Variants in SIPA1L3 observed in about 807,000 individuals in gnomAD.
The protein encoded by SIPA1L3 is signal induced proliferation associated 1 like 3, also known as signal-induced proliferation-associated 1-like protein 3.
A neutral mutation model predicts 150.1 loss-of-function variants in SIPA1L3; 59 were observed. The observed-to-expected ratio is 0.39, with a 90% CI of 0.32 to 0.49. SIPA1L3 has a LOEUF of 0.49. Ranked by LOEUF, SIPA1L3 falls within the 20% of genes least tolerant of loss-of-function variation. The pLI is 0.86. For missense variants in SIPA1L3, 2,211 were observed against 2,489.5 expected (o/e 0.89, Z 2.38); for synonymous variants, 1,070 against 1,077.6 (o/e 0.99, Z 0.14).
chr19:38,039,496 C>T (rs1968863935), intron 2 of SIPA1L3, among the ~76,000 whole-genome samples: 2 of 151,760 alleles, frequency 1.3e-5, no homozygotes, highest in South Asian at 4.2e-4. Context: ...AAGTTCGAGA[C>T]CAGCCTGGCC....
Position 38,082,953 on chromosome 19 carries a change from C to T in SIPA1L3, c.1388C>T (p.Ala463Val). 2 of 1,613,010 alleles carry T rather than the reference C, an allele frequency of 1.2e-6. No individual in the cohort carries two copies. The highest frequency in any genetic ancestry group is 1.7e-5 in the Admixed American group (1 of 60,012). Residue 463 changes from alanine to valine, a missense_variant, in exon 3 of 22, where the codon GCC becomes GTC. Ala to Val is a moderately conservative substitution (Grantham distance 64). This residue lies in a region of SIPA1L3 where 587 missense variants were observed against 534.5 expected (regional missense o/e 1.10). Transcript: ENST00000222345. ...SSGEGHLAEPALSAYRTNASI... is the reference protein window; with the variant it reads ...SSGEGHLAEPVLSAYRTNASI... ...GGCGAGGGCCACCTGGCAGAGCCCG[C>T]CCTGAGCGCCTACCGCACCAACGCC...
chr19:37,925,345 G>A (rs2046493855), intron 1 of SIPA1L3, among the ~76,000 whole-genome samples: 1 of 152,104 alleles, frequency 6.6e-6, no homozygotes, highest in Non-Finnish European at 1.5e-5. Context: ...GGTGGCCAGG[G>A]ATGGCCTCCT....
At chr19:38,001,665 C>T (rs955897309) in intron 1 of SIPA1L3, among the ~76,000 whole-genome samples, 1 of 152,184 alleles carries the variant, frequency 6.6e-6, no homozygotes, top group African/African-American at 2.4e-5. Flanking sequence ...GGGCTCAAAG[C>T]AATCCTGCCG....
chr19:38,126,284 A>T (rs1971170998), intron 9 of SIPA1L3, among the ~76,000 whole-genome samples: 1 of 152,202 alleles, frequency 6.6e-6, no homozygotes, highest in Non-Finnish European at 1.5e-5. Flanking sequence ...AACCTATCAG[A>T]TGGTGCTAAA....
chr19:38,192,117 C>G, intron 16 of SIPA1L3, 28 bp from the exon 17 acceptor site: 3 of 1,558,740 alleles, frequency 1.9e-6, no homozygotes, highest in Middle Eastern at 3.5e-4. Context: ...TCCCTGACAC[C>G]CCTCTGACCC....
intron 8 of SIPA1L3, among the ~76,000 whole-genome samples, chr19:38,118,452 G>A (rs1445868871): frequency 3.3e-5 from 5 of 152,110 alleles, no homozygotes; most frequent in Non-Finnish European, 1.5e-5. Context: ...ATTTAAAACA[G>A]GAATAAGTGA....
chr19:38,036,964 C>T (rs1021713367), intron 2 of SIPA1L3, among the ~76,000 whole-genome samples: 3 of 152,204 alleles, frequency 2.0e-5, no homozygotes, highest in African/African-American at 7.2e-5. Context: ...GCACCCAGAA[C>T]TGTCACACGG....
At chr19:37,972,168 AGTGTGTGTGTGTGTGTGTGT>A (rs34744094) in intron 1 of SIPA1L3, among the ~76,000 whole-genome samples, 2 of 144,946 alleles carry the variant, frequency 1.4e-5, no homozygotes, top group Admixed American at 1.4e-4. Context: ...AGAGATACCT[AGTGTGTGTGTGTGTGTGTGT>A]GTGTGTGTGT....
chr19:38,102,999 C>T (rs139956274), intron 6 of SIPA1L3, among the ~76,000 whole-genome samples: 20 of 150,906 alleles, frequency 1.3e-4, no homozygotes, highest in African/African-American at 4.6e-4. Context: ...TGGTGGTTCA[C>T]GCCTATAATC....
chr19:38,055,279 C>T (rs1412198985), intron 2 of SIPA1L3, among the ~76,000 whole-genome samples: 2 of 152,236 alleles, frequency 1.3e-5, no homozygotes, highest in Admixed American at 6.5e-5. Flanking sequence ...CTGGGGGCGG[C>T]GCCACTGTTG....
intron 1 of SIPA1L3, among the ~76,000 whole-genome samples, chr19:37,960,742 T>C (rs2046850692): frequency 2.6e-5 from 4 of 151,922 alleles, no homozygotes; most frequent in Admixed American, 2.6e-4. Context: ...TTTGTAGAGA[T>C]GAGGTTTTGC....
chr19:38,081,276 T>C lies in SIPA1L3; in HGVS notation c.-290T>C, dbSNP rs1387871524. ...TTCAGCATGGCGAGGACAACATCCT[T>C]GCTGCCTCCAGCTGGCGGGCGACCA... On this transcript the variant is annotated 5_prime_UTR_variant, in exon 3 of 22. Coordinates refer to ENST00000222345, the MANE Select transcript of SIPA1L3 (RefSeq NM_015073.3). The C allele has an allele frequency of 1.4e-5, 6 of 423,680 alleles. No homozygotes were observed. Among genetic ancestry groups the C allele is most frequent in the South Asian group, 9.3e-5 (1 of 10,796 alleles). The allele number at this position is 423,680 out of a possible 1,614,324, so 26.2% of individuals were successfully genotyped here. A position where few individuals can be genotyped will look rare whatever the true frequency, so the allele number is the denominator to read the frequency against.
intron 1 of SIPA1L3, among the ~76,000 whole-genome samples, chr19:37,955,317 G>A (rs560365874): frequency 6.6e-6 from 1 of 152,042 alleles, no homozygotes; most frequent in South Asian, 2.1e-4. Context: ...CTTGAACCTA[G>A]GAGGCGGAGG....
At chr19:38,162,424 T>C (rs1250249389) in intron 14 of SIPA1L3, 53 bp downstream of exon 14, 4 of 1,356,536 alleles carry the variant, frequency 2.9e-6, no homozygotes, top group African/African-American at 1.4e-5. Flanking sequence ...TGCCTGGGTG[T>C]GGCCTCTGAG....
intron 10 of SIPA1L3, among the ~76,000 whole-genome samples, chr19:38,137,251 T>C (rs1194110900): frequency 8.6e-5 from 13 of 151,982 alleles, no homozygotes. Flanking sequence ...TGCAGTGGCA[T>C]GATCTCAGCT....
At chr19:37,949,250 C>T (rs1376444616) in intron 1 of SIPA1L3, among the ~76,000 whole-genome samples, 2 of 152,178 alleles carry the variant, frequency 1.3e-5, no homozygotes, top group South Asian at 4.1e-4. Flanking sequence ...CTCATTGCTC[C>T]TTCTTTTATG....
intron 2 of SIPA1L3, among the ~76,000 whole-genome samples, chr19:38,066,237 C>G (rs746344440): frequency 2.0e-5 from 3 of 151,942 alleles, no homozygotes; most frequent in Non-Finnish European, 4.4e-5. Flanking sequence ...AGGCTGGTCT[C>G]GAACTACCAC....
chr19:37,975,123 C>G (rs1967044179), intron 1 of SIPA1L3, among the ~76,000 whole-genome samples: 3 of 152,202 alleles, frequency 2.0e-5, no homozygotes, highest in Non-Finnish European at 4.4e-5. Flanking sequence ...CAAATCCCGG[C>G]CGTCGTGGAA....
intron 2 of SIPA1L3, among the ~76,000 whole-genome samples, chr19:38,058,179 G>A (rs923496519): frequency 6.1e-4 from 93 of 152,308 alleles, no homozygotes; most frequent in African/African-American, 2.1e-3. Context: ...CAGTCCCGGA[G>A]CAGGATGTTT....
Sources: allele counts gnomAD v4.1 joint callset (sites outside exome capture counted in the v4.1 genomes callset), GRCh38; gene constraint gnomAD v4.1.1; regional missense constraint gnomAD v4.1.1; transcripts MANE v1.5; gene names NCBI Gene and HGNC (gene_info 2026-07-23, HGNC 2026-07-21).